The following YME1L1 variants were observed in gnomAD, a reference collection of about 807,000 sequenced individuals.
YME1L1 encodes ATP-dependent zinc metalloprotease YME1L1.
Under a neutral mutation model 90.4 loss-of-function variants are expected in YME1L1, and 39 were observed. That is an observed-to-expected ratio of 0.43 (90% CI 0.33 to 0.56). The LOEUF is 0.56. YME1L1 is among the 20% of genes least tolerant of loss of function. YME1L1 has a pLI of 0.03. For missense variants in YME1L1, 617 were observed against 868.4 expected, an observed-to-expected ratio of 0.71 and a Z score of 3.64; for synonymous variants, 284 against 287.3, an observed-to-expected ratio of 0.99 and a Z score of 0.12.
At position 27,116,253 on chromosome 10, in the gene YME1L1, C is replaced by T. The variant is rs746807801; in HGVS notation, c.1812G>A (p.Glu604=). Reference sequence around the variant, plus strand: ...TATGGTCGGTTCCAAATATAAGCTCCTCTGCCACTCTTCCTCCCATACTAA... The same window carrying T: ...TATGGTCGGTTCCAAATATAAGCTCTTCTGCCACTCTTCCTCCCATACTAA... The part of the protein sequence containing the change: ...MDVSMGGRVA[E]ELIFGTDHIT... Residue 604 remains glutamate, a synonymous_variant, in exon 16 of 19, where the codon GAG becomes GAA. Coordinates refer to ENST00000376016, the MANE Select transcript of YME1L1 (RefSeq NM_014263.4). 1 of 1,614,184 alleles carries T rather than the reference C, an allele frequency of 6.2e-7. No individual in the cohort carries two copies. The highest frequency in any genetic ancestry group is 1.7e-5 in the Admixed American group (1 of 60,016).
rs74128573 is a variant in YME1L1, at chr10:27,124,373, T to G, written c.950-674A>C. ...TATGGATGTTAATTGTACTGTTCTT[T>G]CAAGGTTTTCCATGTTTGCAAATTT... On this transcript the variant is annotated intron_variant, in intron 9 of 18. Coordinates refer to ENST00000376016, the MANE Select transcript of YME1L1 (RefSeq NM_014263.4). Among the ~76,000 whole-genome samples, 391 of 152,312 alleles carry G rather than the reference T, an allele frequency of 2.6e-3. 3 individuals carry two copies. The highest frequency in any genetic ancestry group is 8.9e-3 in the African/African-American group (369 of 41,588).
chr10:27,124,126 A>G (rs1355249710), intron 9 of YME1L1, among the ~76,000 whole-genome samples: 2 of 152,240 alleles, frequency 1.3e-5, no homozygotes, highest in African/African-American at 2.4e-5. Context: ...CTGAGAGTAC[A>G]TGATATTAAG....
chr10:27,112,267 GTAGAGA>G, intron 18 of YME1L1, 147 bp from the exon 19 acceptor site: 1 of 783,980 alleles, frequency 1.3e-6, no homozygotes, highest in South Asian at 2.0e-5. Flanking sequence ...TGATTCTACA[GTAGAGA>G]TAATTTGTGC....
At chr10:27,149,068 A>G (rs1380635253) in intron 1 of YME1L1, 28 bp from the exon 2 acceptor site, 1 of 1,564,624 alleles carries the variant, frequency 6.4e-7, no homozygotes, top group African/African-American at 1.4e-5. Context: ...TTAAAAACTA[A>G]GTAGTTTTTT....
intron 18 of YME1L1, 71 bp from the exon 19 acceptor site, chr10:27,112,191 A>G: frequency 1.4e-6 from 2 of 1,430,186 alleles, no homozygotes. Flanking sequence ...TGGGAAGAGA[A>G]AGAAAAACTT....
At chr10:27,130,937 C>T (rs2056971769) in intron 8 of YME1L1, among the ~76,000 whole-genome samples, 1 of 152,188 alleles carries the variant, frequency 6.6e-6, no homozygotes, top group South Asian at 2.1e-4. Context: ...CTTTTTGACT[C>T]CTCTTTTCTC....
At position 27,145,745 on chromosome 10, in the gene YME1L1, C is replaced by T. The variant is rs2274635; in HGVS notation, c.169-155G>A. The T allele has an allele frequency of 0.22, 142,654 of 662,634 alleles. 19,352 individuals are homozygous for T. The highest frequency in any genetic ancestry group is 0.59 in the East Asian group (19,179 of 32,546). The allele number at this position is 662,634 out of a possible 1,614,324, so 41.0% of individuals were successfully genotyped here. On this transcript the variant is annotated intron_variant, in intron 2 of 18. Coordinates refer to ENST00000376016, the MANE Select transcript of YME1L1 (RefSeq NM_014263.4). Reference sequence around the variant, plus strand: ...AAAAATAAATTGATGCAAATATTTTCACAGTTCGTTTTACTGAGATCAGTC... The same window carrying T: ...AAAAATAAATTGATGCAAATATTTTTACAGTTCGTTTTACTGAGATCAGTC...
At chr10:27,123,104 A>AT in intron 10 of YME1L1, 131 bp from the exon 11 acceptor site, 3 of 1,144,004 alleles carry the variant, frequency 2.6e-6, no homozygotes, top group South Asian at 3.1e-5. Context: ...AAAGGACGTC[A>AT]TTTTTTACTG....
Position 27,143,566 on chromosome 10 carries a change from C to T in YME1L1, c.332-1081G>A, listed in dbSNP as rs561228431. Among the ~76,000 whole-genome samples the T allele has an allele frequency of 2.6e-4, 39 of 151,874 alleles. 1 individual carries two copies. The South Asian group carries it at 8.1e-3, about 32-fold the overall frequency. On this transcript the variant is annotated intron_variant, in intron 3 of 18. Transcript: ENST00000376016. The stretch of plus-strand genomic sequence containing the variant: ...TACAAAAATTAGCCGGGCGTGGTGG[C>T]GGATGCGTGTAGTCCCAGCTGCTCG...
At chr10:27,119,973 G>A (rs895064369) in intron 13 of YME1L1, among the ~76,000 whole-genome samples, 10 of 152,062 alleles carry the variant, frequency 6.6e-5, no homozygotes, top group African/African-American at 2.4e-4. Context: ...TTAATGAATT[G>A]ATACAGCTAT....
intron 8 of YME1L1, among the ~76,000 whole-genome samples, chr10:27,128,957 A>G (rs2056948512): frequency 6.6e-6 from 1 of 151,690 alleles, no homozygotes; most frequent in Non-Finnish European, 1.5e-5. Flanking sequence ...GTGGTGGTGC[A>G]TGCCTGTGGT....
At chr10:27,135,021 C>T (rs767661789) in intron 5 of YME1L1, 40 bp from the exon 6 acceptor site, 45 of 1,563,418 alleles carry the variant, frequency 2.9e-5, no homozygotes, top group Non-Finnish European at 3.9e-5. Context: ...GTTAACAACA[C>T]AGTGATACTT....
rs149653967 is a variant in YME1L1 at position 27,144,870 on chromosome 10, G to A, written c.331+558C>T. On this transcript the variant is annotated intron_variant, in intron 3 of 18. Coordinates refer to ENST00000376016, the MANE Select transcript of YME1L1 (RefSeq NM_014263.4). ...TAAGGTACCAATGTTAGGCCTGCAC[G>A]GTGGCTCACGCCTATAATCCCAGCA... Among the ~76,000 whole-genome samples, 86 of 152,240 alleles carry A rather than the reference G, an allele frequency of 5.6e-4. 1 individual carries two copies. The highest frequency in any genetic ancestry group is 1.4e-3 in the African/African-American group (59 of 41,544).
chr10:27,134,459 T>A (rs1467385485), intron 6 of YME1L1, among the ~76,000 whole-genome samples: 2 of 152,170 alleles, frequency 1.3e-5, no homozygotes, highest in African/African-American at 4.8e-5. Context: ...CCTGTGATCC[T>A]AGCTACTCAG....
intron 14 of YME1L1, among the ~76,000 whole-genome samples, chr10:27,118,464 G>A (rs2056835546): frequency 6.6e-6 from 1 of 151,974 alleles, no homozygotes; most frequent in Admixed American, 6.6e-5. Flanking sequence ...AAAATTTTTG[G>A]TAGAGATGGA....
chr10:27,148,101 AAG>A (rs1157467934), intron 2 of YME1L1, among the ~76,000 whole-genome samples: 1 of 152,028 alleles, frequency 6.6e-6, no homozygotes, highest in Non-Finnish European at 1.5e-5. Flanking sequence ...TTATTTTTTT[AAG>A]AGTTTTATTT....
chr10:27,142,518 A>G (rs1330436468), intron 3 of YME1L1, 33 bp from the exon 4 acceptor site: 4 of 1,244,206 alleles, frequency 3.2e-6, no homozygotes. Context: ...AAATTTTCTA[A>G]TTTCCAAACC....
chr10:27,114,380 G>A (rs748944009), intron 18 of YME1L1, 141 bp downstream of exon 18: 13 of 612,544 alleles, frequency 2.1e-5, no homozygotes, highest in Non-Finnish European at 3.3e-5. Flanking sequence ...TTTTTCCCCA[G>A]ACACCATGGT....
At chr10:27,134,586 C>T (rs1412900798) in intron 6 of YME1L1, among the ~76,000 whole-genome samples, 1 of 152,186 alleles carries the variant, frequency 6.6e-6, no homozygotes, top group Non-Finnish European at 1.5e-5. Context: ...AAAACAAACA[C>T]AAACAAAAAA....
Sources: gnomAD v4.1 joint callset for allele counts (sites outside exome capture counted in the v4.1 genomes callset) on GRCh38, gnomAD v4.1.1 for gene constraint, MANE v1.5 for transcripts, NCBI Gene and HGNC (gene_info 2026-07-23, HGNC 2026-07-21) for gene names.